The following CNTN5 variants were observed in gnomAD, a reference collection of about 807,000 sequenced individuals.
CNTN5 encodes contactin 5.
In CNTN5, 77 loss-of-function variants were observed where a neutral mutation model predicts 129.1. The ratio of observed to expected loss-of-function variants is 0.60; its 90% CI spans 0.50 to 0.72. CNTN5 has a LOEUF of 0.72. CNTN5 is among the 30% of genes least tolerant of loss of function. CNTN5 has a pLI of 0.00. For synonymous variants in CNTN5, 509 were observed against 465.6 expected (o/e 1.09, Z -1.20); for missense variants, 1,478 against 1,328.8 (o/e 1.11, Z -1.75).
intron 18 of CNTN5, among the ~76,000 whole-genome samples, chr11:100,282,749 G>A (rs978849973): frequency 3.3e-5 from 5 of 152,188 alleles, no homozygotes; most frequent in African/African-American, 1.2e-4. Flanking sequence ...ATCCTTAGAA[G>A]TCTACTTGGT....
At chr11:99,941,894 A>C (rs1950447353) in intron 7 of CNTN5, among the ~76,000 whole-genome samples, 2 of 152,106 alleles carry the variant, frequency 1.3e-5, no homozygotes, top group South Asian at 4.1e-4. Context: ...GTTTATAAGT[A>C]GAACTTATAA....
At chr11:99,044,486 C>A (rs1296831070) in intron 1 of CNTN5, among the ~76,000 whole-genome samples, 1 of 152,038 alleles carries the variant, frequency 6.6e-6, no homozygotes, top group Non-Finnish European at 1.5e-5. Context: ...TTCCAAGCTC[C>A]ATTCACCTCT....
At chr11:99,409,011 G>T (rs1256687356) in intron 2 of CNTN5, among the ~76,000 whole-genome samples, 2 of 152,134 alleles carry the variant, frequency 1.3e-5, no homozygotes, top group Non-Finnish European at 2.9e-5. Flanking sequence ...CCTGTTTTGT[G>T]ATTCTGTTTA....
chr11:100,352,577 T>C (rs976198840), intron 24 of CNTN5, among the ~76,000 whole-genome samples: 1 of 151,708 alleles, frequency 6.6e-6, no homozygotes, highest in African/African-American at 2.4e-5. Context: ...TCACAACTTT[T>C]CAGTACACCT....
chr11:100,323,579 T>G lies in CNTN5; in HGVS notation c.2730+15111T>G, dbSNP rs143393412. 5.5e-3 allele frequency among the ~76,000 whole-genome samples: 834 copies of G among 152,288 alleles called. 10 individuals carry two copies. The highest frequency in any genetic ancestry group is 0.019 in the African/African-American group (807 of 41,566). ...ACTCATCCACATTTCCATCATTTTC[T>G]TAATATCTGTAAGATCTGTGGGATA... On this transcript the variant is annotated intron_variant, in intron 21 of 24. Transcript: ENST00000524871.
intron 15 of CNTN5, among the ~76,000 whole-genome samples, chr11:100,210,966 A>G (rs1028808121): frequency 6.6e-5 from 10 of 152,138 alleles, no homozygotes; most frequent in Non-Finnish European, 1.3e-4. Context: ...TAGGTAGTTG[A>G]CACATTGTAC....
intron 9 of CNTN5, among the ~76,000 whole-genome samples, chr11:100,034,729 C>T (rs965342520): frequency 6.6e-6 from 1 of 152,164 alleles, no homozygotes; most frequent in Non-Finnish European, 1.5e-5. Context: ...ACTATCTGGT[C>T]CACAAGCTTA....
chr11:99,900,820 T>C (rs967226073), intron 6 of CNTN5, among the ~76,000 whole-genome samples: 2 of 152,196 alleles, frequency 1.3e-5, no homozygotes, highest in African/African-American at 4.8e-5. Flanking sequence ...GCTAGTTGTT[T>C]TGGAGTTTCA....
At chr11:100,043,606 C>T (rs1013188690) in intron 9 of CNTN5, among the ~76,000 whole-genome samples, 3 of 152,136 alleles carry the variant, frequency 2.0e-5, no homozygotes, top group African/African-American at 7.2e-5. Context: ...ATGTAAAGTT[C>T]CACTCATTTG....
chr11:99,882,757 A>T (rs1948804115), intron 6 of CNTN5, among the ~76,000 whole-genome samples: 1 of 152,182 alleles, frequency 6.6e-6, no homozygotes, highest in African/African-American at 2.4e-5. Context: ...CAATTCAATT[A>T]TTATTCGCTA....
chr11:99,483,817 T>C (rs1945700759), intron 2 of CNTN5, among the ~76,000 whole-genome samples: 1 of 152,020 alleles, frequency 6.6e-6, no homozygotes, highest in African/African-American at 2.4e-5. Context: ...CTAAGCACAG[T>C]CTCTTCAGTA....
chr11:100,179,319 T>C (rs1948067031), intron 13 of CNTN5, among the ~76,000 whole-genome samples: 1 of 152,110 alleles, frequency 6.6e-6, no homozygotes, highest in Non-Finnish European at 1.5e-5. Flanking sequence ...ATTTGGATCA[T>C]GAGCATCAGA....
intron 3 of CNTN5, among the ~76,000 whole-genome samples, chr11:99,815,226 C>G (rs557707663): frequency 2.0e-5 from 3 of 151,112 alleles, no homozygotes; most frequent in African/African-American, 7.2e-5. Flanking sequence ...ATATTCCACC[C>G]TCAACAGATT....
chr11:99,206,990 A>G (rs1859517980), intron 1 of CNTN5, among the ~76,000 whole-genome samples: 1 of 152,080 alleles, frequency 6.6e-6, no homozygotes, highest in Non-Finnish European at 1.5e-5. Flanking sequence ...GTAATTCTCC[A>G]TACCTAAAAT....
intron 2 of CNTN5, among the ~76,000 whole-genome samples, chr11:99,402,639 A>C (rs1216394430): frequency 6.6e-6 from 1 of 152,100 alleles, no homozygotes; most frequent in Non-Finnish European, 1.5e-5. Flanking sequence ...GAATAGTTTG[A>C]GTAGGATTGG....
chr11:99,998,254 C>G (rs1264485069), intron 8 of CNTN5, among the ~76,000 whole-genome samples: 1 of 152,006 alleles, frequency 6.6e-6, no homozygotes, highest in Non-Finnish European at 1.5e-5. Context: ...ATCCAGAAAA[C>G]CCCATCATCT....
chr11:100,326,872 C>T (rs1243411980), intron 21 of CNTN5, among the ~76,000 whole-genome samples: 1 of 152,136 alleles, frequency 6.6e-6, no homozygotes, highest in South Asian at 2.1e-4. Flanking sequence ...GTGAAAAGAG[C>T]TTTCAGTCAC....
chr11:99,696,813 T>C (rs896769371), intron 3 of CNTN5, among the ~76,000 whole-genome samples: 20 of 152,020 alleles, frequency 1.3e-4, no homozygotes, highest in Admixed American at 5.9e-4. Context: ...TTTAAAGTGT[T>C]TGTGCTACTT....
intron 1 of CNTN5, among the ~76,000 whole-genome samples, chr11:99,223,965 A>C (rs1393174062): frequency 2.0e-5 from 3 of 152,184 alleles, no homozygotes; most frequent in Non-Finnish European, 2.9e-5. Context: ...CTTGTGGTCC[A>C]TATAAATGTT....
Sources: allele counts gnomAD v4.1 joint callset (sites outside exome capture counted in the v4.1 genomes callset), GRCh38; gene constraint gnomAD v4.1.1; transcripts MANE v1.5; gene names NCBI Gene and HGNC (gene_info 2026-07-23, HGNC 2026-07-21).